GALNT1: variants seen among roughly 807,000 people sequenced by gnomAD.
GALNT1 encodes polypeptide N-acetylgalactosaminyltransferase 1, also known as GalNAc transferase 1.
In GALNT1, 17 loss-of-function variants were observed where a neutral mutation model predicts 65.7. That is an observed-to-expected ratio of 0.26 (90% CI 0.18 to 0.39). The LOEUF is 0.39. GALNT1 is among the 10% of genes least tolerant of loss of function. The pLI is 1.00. For missense variants in GALNT1, 460 were observed against 672.8 expected (o/e 0.68, Z 3.50); for synonymous variants, 210 against 219.7 (o/e 0.96, Z 0.39).
intron 3 of GALNT1, among the ~76,000 whole-genome samples, chr18:35,675,365 T>C (rs1259545088): frequency 6.6e-6 from 1 of 152,236 alleles, no homozygotes; most frequent in East Asian, 1.9e-4. Flanking sequence ...GAATTTGTTA[T>C]GGTCTCTGAT....
chr18:35,656,484 A>G (rs576137517), intron 2 of GALNT1, among the ~76,000 whole-genome samples: 62 of 152,214 alleles, frequency 4.1e-4, no homozygotes, highest in African/African-American at 1.3e-3. Context: ...AGAAGCTGCA[A>G]TAAGGAAGTA....
intron 1 of GALNT1, among the ~76,000 whole-genome samples, chr18:35,599,665 A>G (rs568075450): frequency 6.6e-6 from 1 of 152,304 alleles, no homozygotes; most frequent in Admixed American, 6.5e-5. Context: ...GCCTAGCCAG[A>G]TTTAAGTTTT....
chr18:35,606,443 C>G (rs2046648247), intron 1 of GALNT1, among the ~76,000 whole-genome samples: 1 of 152,172 alleles, frequency 6.6e-6, no homozygotes, highest in South Asian at 2.1e-4. Context: ...ATTGTTTACC[C>G]TCATGCGACA....
chr18:35,625,836 G>T (rs966722981), intron 1 of GALNT1, among the ~76,000 whole-genome samples: 6 of 152,170 alleles, frequency 3.9e-5, no homozygotes, highest in Admixed American at 3.9e-4. Flanking sequence ...GTGTTCTCTT[G>T]TAATGATCTG....
chr18:35,704,840 C>T (rs1324711429), intron 11 of GALNT1, among the ~76,000 whole-genome samples: 1 of 151,886 alleles, frequency 6.6e-6, no homozygotes, highest in Non-Finnish European at 1.5e-5. Context: ...GACAGGGTTT[C>T]TCCATGTTGG....
chr18:35,591,608 G>A (rs2046445440), intron 1 of GALNT1: 1 of 153,756 alleles, frequency 6.5e-6, no homozygotes, highest in Non-Finnish European at 1.5e-5. Flanking sequence ...CGGATAGTTT[G>A]GGAAAGATTG....
chr18:35,698,630 A>G (rs1048002805), intron 9 of GALNT1, among the ~76,000 whole-genome samples: 3 of 152,166 alleles, frequency 2.0e-5, no homozygotes, highest in Non-Finnish European at 2.9e-5. Context: ...CATTTCCATC[A>G]TCTCAGAAAG....
At chr18:35,623,892 T>C (rs2046885922) in intron 1 of GALNT1, among the ~76,000 whole-genome samples, 1 of 152,234 alleles carries the variant, frequency 6.6e-6, no homozygotes, top group Non-Finnish European at 1.5e-5. Context: ...TTCTGTTCAG[T>C]ATCCATTGAC....
chr18:35,642,892 C>T (rs1362918467), intron 1 of GALNT1, among the ~76,000 whole-genome samples: 2 of 151,994 alleles, frequency 1.3e-5, no homozygotes, highest in Non-Finnish European at 2.9e-5. Context: ...TCAGGGTGCT[C>T]TGCCACTCAT....
rs2047917122 is a variant in GALNT1 at position 35,689,235 on chromosome 18, C to T, written c.923C>T (p.Thr308Ile). The stretch of plus-strand genomic sequence containing the variant: ...AGAGATTACTTTCAGGAAATTGGAA[C>T]ATATGATGCTGGAATGGATATTTGG... ...IDRDYFQEIG[T>I]YDAGMDIWGG... The change falls in exon 7 of 12, where the codon ACA (threonine) becomes ATA (isoleucine). Residue 308 changes from threonine (T) to isoleucine (I), a missense_variant. By Grantham distance (89) the Thr-to-Ile change is moderately conservative (BLOSUM62 -1). Coordinates refer to ENST00000269195, the MANE Select transcript of GALNT1 (RefSeq NM_020474.4). 6.2e-7 allele frequency: 1 copy of T among 1,612,696 alleles called. No homozygotes were observed. Among genetic ancestry groups the T allele is most frequent in the Non-Finnish European group, 8.5e-7 (1 of 1,179,366 alleles).
At chr18:35,593,614 A>G (rs2046470925) in intron 1 of GALNT1, among the ~76,000 whole-genome samples, 1 of 152,004 alleles carries the variant, frequency 6.6e-6, no homozygotes, top group East Asian at 1.9e-4. Flanking sequence ...CCATTGCAAG[A>G]GGGCAGCTAA....
At chr18:35,674,063 G>T (rs976754065) in intron 3 of GALNT1, among the ~76,000 whole-genome samples, 2 of 152,122 alleles carry the variant, frequency 1.3e-5, no homozygotes, top group Non-Finnish European at 2.9e-5. Context: ...ACATAGAAAA[G>T]ATACAGTATA....
chr18:35,658,300 A>G (rs1309426449), intron 2 of GALNT1, among the ~76,000 whole-genome samples: 1 of 152,176 alleles, frequency 6.6e-6, no homozygotes, highest in Non-Finnish European at 1.5e-5. Context: ...GCTTTACAAC[A>G]GCCTGGGGGT....
At chr18:35,673,864 T>C (rs922826249) in intron 3 of GALNT1, among the ~76,000 whole-genome samples, 5 of 152,224 alleles carry the variant, frequency 3.3e-5, no homozygotes, top group African/African-American at 1.2e-4. Context: ...TTCTGAGAAA[T>C]AGGTCATTAG....
chr18:35,604,021 C>T (rs2046614468), intron 1 of GALNT1, among the ~76,000 whole-genome samples: 1 of 152,092 alleles, frequency 6.6e-6, no homozygotes, highest in Non-Finnish European at 1.5e-5. Context: ...ATTCTTTCAT[C>T]ACCCATGTAG....
intron 1 of GALNT1, among the ~76,000 whole-genome samples, chr18:35,593,806 T>C (rs770494144): frequency 1.9e-4 from 29 of 152,154 alleles, no homozygotes; most frequent in Middle Eastern, 3.4e-3. Context: ...CCTCTCGGGT[T>C]CAAGCTATTC....
In GALNT1 at chr18:35,677,729, T is replaced by G; in HGVS notation, c.453T>G (p.Ile151Met). The change falls in exon 4 of 12, where the codon ATT becomes ATG. Residue 151 changes from isoleucine (I) to methionine (M), a missense_variant. By Grantham distance (10) the Ile-to-Met change is conservative. Transcript: ENST00000269195. ...CACCAAGACACATGATAGAAGAAATTGTTCTAGTAGATGATGCCAGTGAAA... is the reference window on the plus strand; with the variant it reads ...CACCAAGACACATGATAGAAGAAATGGTTCTAGTAGATGATGCCAGTGAAA... ...NRSPRHMIEE[I>M]VLVDDASERD... is the part of the protein sequence containing the mutation. 1 of 1,609,830 alleles carries G rather than the reference T, an allele frequency of 6.2e-7. No individual in the cohort carries two copies. Among genetic ancestry groups the G allele is most frequent in the South Asian group, 1.1e-5 (1 of 90,418 alleles).
At chr18:35,617,791 A>G (rs2046803291) in intron 1 of GALNT1, among the ~76,000 whole-genome samples, 1 of 152,202 alleles carries the variant, frequency 6.6e-6, no homozygotes, top group African/African-American at 2.4e-5. Flanking sequence ...AGTGGTCCCT[A>G]AAGTGTCTTT....
chr18:35,705,361 T>TTATC (rs1199734424), intron 11 of GALNT1, among the ~76,000 whole-genome samples: 5 of 152,236 alleles, frequency 3.3e-5, no homozygotes, highest in Non-Finnish European at 7.3e-5. Flanking sequence ...TTGTAGTTAT[T>TTATC]TATCTAGCAA....
Sources: allele counts gnomAD v4.1 joint callset (sites outside exome capture counted in the v4.1 genomes callset), GRCh38; gene constraint gnomAD v4.1.1; transcripts MANE v1.5; gene names NCBI Gene and HGNC (gene_info 2026-07-23, HGNC 2026-07-21).